Variants in GAD2 observed in about 807,000 individuals in gnomAD.
GAD2 encodes glutamate decarboxylase 2.
A neutral mutation model predicts 80.1 loss-of-function variants in GAD2; 22 were observed. The observed-to-expected ratio is 0.27, with a 90% CI of 0.20 to 0.39. The LOEUF is 0.39. GAD2 is among the 10% of genes least tolerant of loss of function. The pLI is 1.00. For synonymous variants in GAD2, 274 were observed against 256.9 expected, an observed-to-expected ratio of 1.07 and a Z score of -0.64; for missense variants, 624 against 738.4, an observed-to-expected ratio of 0.85 and a Z score of 1.80.
chr10:26,271,408 A>T (rs1204549853), intron 10 of GAD2, among the ~76,000 whole-genome samples: 1 of 152,212 alleles, frequency 6.6e-6, no homozygotes, highest in Non-Finnish European at 1.5e-5. Flanking sequence ...AGAAGGACCG[A>T]AGGGATTTAA....
Position 26,229,595 on chromosome 10 carries a change from A to C in GAD2, c.725-67A>C, listed in dbSNP as rs866448791. ...AGGACTCAGGTCAGTGGAAATAAGG[A>C]ATGTTGCTTGCATGTGAAATGAGGT... On this transcript the variant is annotated intron_variant, in intron 6 of 15. Transcript: ENST00000376261. The C allele has an allele frequency of 2.2e-5, 24 of 1,103,806 alleles. No homozygotes were observed. The Middle Eastern group carries it at 5.9e-4, about 27-fold the overall frequency. The allele number at this position is 1,103,806 out of a possible 1,614,324, so 68.4% of individuals were successfully genotyped here. A position where few individuals can be genotyped will look rare whatever the true frequency, so the allele number is the denominator to read the frequency against.
chr10:26,238,920 G>A (rs1844707917), intron 7 of GAD2, among the ~76,000 whole-genome samples: 1 of 152,076 alleles, frequency 6.6e-6, no homozygotes, highest in Admixed American at 6.6e-5. Flanking sequence ...GTGTCAGAAG[G>A]ATGTGAAGGA....
chr10:26,276,321 C>T (rs1589150771), intron 11 of GAD2, among the ~76,000 whole-genome samples: 1 of 152,172 alleles, frequency 6.6e-6, no homozygotes, highest in South Asian at 2.1e-4. Context: ...TGAGAGGGCA[C>T]GCCACAAACC....
At chr10:26,246,095 A>G (rs975182327) in intron 8 of GAD2, 95 bp downstream of exon 8, 1 of 931,256 alleles carries the variant, frequency 1.1e-6, no homozygotes, top group Non-Finnish European at 1.7e-6. Context: ...ACCACGGGGC[A>G]GCAAGTCCAC....
intron 15 of GAD2, among the ~76,000 whole-genome samples, chr10:26,295,605 A>G (rs1220346196): frequency 6.6e-6 from 1 of 151,902 alleles, no homozygotes; most frequent in Non-Finnish European, 1.5e-5. Flanking sequence ...TATGGTAGTA[A>G]TAGCCACATG....
chr10:26,231,843 C>G (rs1053245739), intron 7 of GAD2, among the ~76,000 whole-genome samples: 18 of 152,170 alleles, frequency 1.2e-4, no homozygotes, highest in Non-Finnish European at 1.5e-4. Flanking sequence ...TTGGATCTCT[C>G]TCTTTCTCTC....
chr10:26,268,336 C>T (rs954077056), intron 8 of GAD2, among the ~76,000 whole-genome samples: 1 of 151,852 alleles, frequency 6.6e-6, no homozygotes, highest in Admixed American at 6.6e-5. Flanking sequence ...GGCATGGTGG[C>T]GGGCGCCTGT....
At chr10:26,277,714 G>A (rs1845226776) in intron 11 of GAD2, among the ~76,000 whole-genome samples, 1 of 152,134 alleles carries the variant, frequency 6.6e-6, no homozygotes, top group African/African-American at 2.4e-5. Flanking sequence ...TATAGAGACG[G>A]GGAAGAAAAG....
At chr10:26,289,896 G>C (rs540893362) in intron 13 of GAD2, among the ~76,000 whole-genome samples, 4 of 149,922 alleles carry the variant, frequency 2.7e-5, no homozygotes, top group African/African-American at 9.9e-5. Flanking sequence ...AGGTTCAAGC[G>C]ATTCTCCTAC....
chr10:26,269,804 A>G (rs1449704295), intron 9 of GAD2, among the ~76,000 whole-genome samples: 1 of 152,178 alleles, frequency 6.6e-6, no homozygotes, highest in Non-Finnish European at 1.5e-5. Flanking sequence ...ATCATTAGGA[A>G]CTCAGAAATA....
intron 6 of GAD2, among the ~76,000 whole-genome samples, chr10:26,228,706 C>T (rs1181628154): frequency 6.6e-6 from 1 of 152,118 alleles, no homozygotes; most frequent in Non-Finnish European, 1.5e-5. Context: ...ACTGCGCATG[C>T]GAGGGATCTA....
chr10:26,254,161 TG>T (rs1401102445), intron 8 of GAD2, among the ~76,000 whole-genome samples: 4 of 152,208 alleles, frequency 2.6e-5, no homozygotes, highest in Admixed American at 6.5e-5. Flanking sequence ...CTCAGCCTCC[TG>T]GGTAGCTGGG....
intron 6 of GAD2, among the ~76,000 whole-genome samples, chr10:26,227,839 A>G (rs1169377581): frequency 6.6e-6 from 1 of 152,250 alleles, no homozygotes. Flanking sequence ...GTCTGCTCAG[A>G]GCAGGCGTGA....
chr10:26,234,278 C>T (rs145874619), intron 7 of GAD2, among the ~76,000 whole-genome samples: 2,875 of 150,750 alleles, frequency 0.019, 95 homozygotes, highest in African/African-American at 0.066. Context: ...AAGCCAAGAT[C>T]GCACCACTGC....
Position 26,217,021 on chromosome 10 carries a change from T to C in GAD2, c.76+136T>C. The C allele has an allele frequency of 1.4e-6, 1 of 719,006 alleles. No individual in the cohort carries two copies. The allele number at this position is 719,006 out of a possible 1,614,324, so 44.5% of individuals were successfully genotyped here. On this transcript the variant is annotated intron_variant, in intron 1 of 15. Transcript: ENST00000376261. The surrounding 1 kb of genome is among the most constrained non-coding windows in gnomAD (Gnocchi z 4.9). ...CGGGCGCTTCTCCCTGCTTTTGGGC[T>C]AAGTCCTTGACGGCCCAAGAGCTCA...
chr10:26,252,683 C>T (rs1844894146), intron 8 of GAD2, among the ~76,000 whole-genome samples: 1 of 148,430 alleles, frequency 6.7e-6, no homozygotes, highest in Admixed American at 6.8e-5. Context: ...GAGACGGAAT[C>T]TTGCTCTTGT....
At chr10:26,227,871 C>G (rs1250917244) in intron 6 of GAD2, among the ~76,000 whole-genome samples, 2 of 152,232 alleles carry the variant, frequency 1.3e-5, no homozygotes, top group South Asian at 2.1e-4. Flanking sequence ...CCTGATTCTA[C>G]CTGTCCTGTA....
intron 11 of GAD2, among the ~76,000 whole-genome samples, chr10:26,274,578 C>T (rs965005830): frequency 2.0e-5 from 3 of 152,168 alleles, no homozygotes; most frequent in South Asian, 2.1e-4. Context: ...CCAGCAAAAG[C>T]GTCACACTGG....
intron 11 of GAD2, among the ~76,000 whole-genome samples, chr10:26,275,861 A>G (rs976736611): frequency 3.9e-4 from 59 of 152,226 alleles, no homozygotes; most frequent in African/African-American, 1.4e-3. Context: ...TGCCATTCTC[A>G]TACAAAATGG....
Sources: allele counts gnomAD v4.1 joint callset (sites outside exome capture counted in the v4.1 genomes callset), GRCh38; gene constraint gnomAD v4.1.1; non-coding constraint Gnocchi (gnomAD v3.1); transcripts MANE v1.5; gene names NCBI Gene and HGNC (gene_info 2026-07-23, HGNC 2026-07-21).